GPSM1: variants seen among roughly 807,000 people sequenced by gnomAD.
GPSM1 encodes the protein G protein signaling modulator 1.
GPSM1 carries 48 observed loss-of-function variants against 70.5 expected under a neutral mutation model. That is an observed-to-expected ratio of 0.68 (90% CI 0.54 to 0.87). The LOEUF (loss-of-function observed/expected upper bound fraction) is 0.87. Among genes scored for constraint, GPSM1 ranks in the 40% least tolerant of loss-of-function variants. The pLI, the probability that GPSM1 is intolerant of heterozygous loss-of-function variation, is 0.00. For synonymous variants in GPSM1, 416 were observed against 430.1 expected (o/e 0.97, Z 0.41); for missense variants, 981 against 972.6 (o/e 1.01, Z -0.11).
In GPSM1 at chr9:136,334,093, T is replaced by C. The variant is rs186774803; in HGVS notation, c.69-354T>C. 1.6e-3 allele frequency among the ~76,000 whole-genome samples: 239 copies of C among 152,240 alleles called. 8 individuals are homozygous for C. The East Asian group carries it at 0.044, about 28-fold the overall frequency. On this transcript the variant is annotated intron_variant, in intron 1 of 13. Coordinates refer to ENST00000440944, the MANE Select transcript of GPSM1 (RefSeq NM_001145638.3). ...GCCTGGCCCCTGCAGCCCGTACCTC[T>C]GGGATTTGGGTGAAGGCAGGGTATG... is the stretch of plus-strand genomic sequence containing the variant.
chr9:136,349,799 G>A (rs782618511), intron 11 of GPSM1, 36 bp downstream of exon 11: 1 of 1,523,970 alleles, frequency 6.6e-7, no homozygotes, highest in East Asian at 2.4e-5. Flanking sequence ...GGCCGAGAGG[G>A]AGGAGAGCTT....
intron 9 of GPSM1, among the ~76,000 whole-genome samples, chr9:136,346,494 C>T (rs1554771271): frequency 6.6e-6 from 1 of 152,250 alleles, no homozygotes; most frequent in African/African-American, 2.4e-5. Flanking sequence ...TTGCTGTCCA[C>T]CAGGTGCCTT....
chr9:136,356,518 G>C lies in GPSM1; in HGVS notation c.1789G>C (p.Asp597His). The C allele has an allele frequency of 6.2e-7, 1 of 1,611,800 alleles. No individual in the cohort carries two copies. The highest frequency in any genetic ancestry group is 1.1e-5 in the South Asian group (1 of 91,006). Reference protein sequence around the residue: ...RGHGEPQEPGDDFFNMLIKYQ... With the variant: ...RGHGEPQEPGHDFFNMLIKYQ... ...CCACGGCGAGCCCCAGGAGCCGGGGGACGACTTCTTCAACATGCTCATCAA... is the reference window on the plus strand; with the variant it reads ...CCACGGCGAGCCCCAGGAGCCGGGGCACGACTTCTTCAACATGCTCATCAA... Residue 597 changes from aspartate to histidine, a missense_variant, in exon 13 of 14, where the codon GAC (aspartate) becomes CAC (histidine). Coordinates refer to ENST00000440944, the MANE Select transcript of GPSM1 (RefSeq NM_001145638.3).
chr9:136,337,836 G>A lies in GPSM1; in HGVS notation c.703-10G>A. 11 of 1,599,416 alleles carry A rather than the reference G, an allele frequency of 6.9e-6. No homozygotes were observed. Among genetic ancestry groups the A allele is most frequent in the Non-Finnish European group, 9.4e-6 (11 of 1,168,092 alleles). ...GCCATGACCACCTGGCCTCCGGTGTGTCTCCGCAGCGCCTGGCCATTGCTA... is the reference window on the plus strand; with the variant it reads ...GCCATGACCACCTGGCCTCCGGTGTATCTCCGCAGCGCCTGGCCATTGCTA... On this transcript the variant is annotated splice_polypyrimidine_tract_variant and intron_variant, in intron 5 of 13. Coordinates refer to ENST00000440944, the MANE Select transcript of GPSM1 (RefSeq NM_001145638.3).
intron 9 of GPSM1, among the ~76,000 whole-genome samples, chr9:136,345,803 C>T (rs940635496): frequency 6.6e-6 from 1 of 152,080 alleles, no homozygotes; most frequent in Admixed American, 6.5e-5. Context: ...GAGCAGGCCC[C>T]GAACTGTGTG....
chr9:136,342,769 G>C lies in GPSM1; in HGVS notation c.1207+1776G>C, dbSNP rs1318351210. On this transcript the variant is annotated intron_variant, in intron 9 of 13. Coordinates refer to ENST00000440944, the MANE Select transcript of GPSM1 (RefSeq NM_001145638.3). This position sits in a 1 kb window ranked among gnomAD's most constrained non-coding sequence, Gnocchi z 5.5. ...GGATCTGCGAGCTGCGGGAGGGGAG[G>C]GGGGTGCAGAGCCGCGCTAGAGCCT... 4.6e-5 allele frequency among the ~76,000 whole-genome samples: 7 copies of C among 152,006 alleles called. No individual in the cohort carries two copies. Among genetic ancestry groups the C allele is most frequent in the African/African-American group, 1.7e-4 (7 of 41,382 alleles).
In GPSM1 at chr9:136,340,148, C is replaced by T. The variant is rs555438197; in HGVS notation, c.1083+333C>T. Among the ~76,000 whole-genome samples the T allele has an allele frequency of 3.3e-5, 5 of 152,290 alleles. No homozygotes were observed. The highest frequency in any genetic ancestry group is 3.4e-3 in the Middle Eastern group (1 of 294). On this transcript the variant is annotated intron_variant, in intron 8 of 13. Coordinates refer to ENST00000440944, the MANE Select transcript of GPSM1 (RefSeq NM_001145638.3). This position sits in a 1 kb window ranked among gnomAD's most constrained non-coding sequence, Gnocchi z 7.3. The stretch of plus-strand genomic sequence containing the variant: ...GATGAACTGTGGGCCTCCCGGCTCC[C>T]GGCCTGTCCTTACATCACCCACTCC...
chr9:136,340,986 G>A lies in GPSM1; in HGVS notation c.1200G>A (p.Glu400=). ...ASEKPDLAGY[E]AQGARPKRTQ... ...AGAAGCCTGACCTGGCCGGCTATGA[G>A]GCCCAGGGTGAGTTCCAGGGTTGTG... Residue 400 remains glutamate (E), a synonymous_variant, in exon 9 of 14, where the codon GAG becomes GAA. Coordinates refer to ENST00000440944, the MANE Select transcript of GPSM1 (RefSeq NM_001145638.3). This position sits in a 1 kb window ranked among gnomAD's most constrained non-coding sequence, Gnocchi z 7.3. 1 of 1,566,580 alleles carries A rather than the reference G, an allele frequency of 6.4e-7. No homozygotes were observed. The highest frequency in any genetic ancestry group is 1.2e-5 in the South Asian group (1 of 85,246).
At position 136,340,275 on chromosome 9, in the gene GPSM1, G is replaced by A. The variant is rs1554769970; in HGVS notation, c.1083+460G>A. 6.6e-6 allele frequency among the ~76,000 whole-genome samples: 1 copy of A among 152,156 alleles called. No homozygotes were observed. The highest frequency in any genetic ancestry group is 1.5e-5 in the Non-Finnish European group (1 of 68,034). On this transcript the variant is annotated intron_variant, in intron 8 of 13. Coordinates refer to ENST00000440944, the MANE Select transcript of GPSM1 (RefSeq NM_001145638.3). This position sits in a 1 kb window ranked among gnomAD's most constrained non-coding sequence, Gnocchi z 7.3. Reference sequence around the variant, plus strand: ...CATGTAGGAGGTGGCCGGGTGGGGAGGCCTGCAGGTGCCCAGGTGAGGGTG... The same window carrying A: ...CATGTAGGAGGTGGCCGGGTGGGGAAGCCTGCAGGTGCCCAGGTGAGGGTG...
At chr9:136,329,317 C>T (rs1167648590) in intron 1 of GPSM1, among the ~76,000 whole-genome samples, 10 of 152,248 alleles carry the variant, frequency 6.6e-5, no homozygotes, top group African/African-American at 1.7e-4. Flanking sequence ...TGCACCCCAC[C>T]GTGTAGCCAC....
intron 9 of GPSM1, among the ~76,000 whole-genome samples, chr9:136,346,348 C>T (rs1166550580): frequency 2.0e-5 from 3 of 151,284 alleles, no homozygotes; most frequent in Non-Finnish European, 3.0e-5. Flanking sequence ...GTCCTCAGCT[C>T]CCTCTGCTCC....
At chr9:136,352,966 G>A in intron 11 of GPSM1, 1 of 337,732 alleles carries the variant, frequency 3.0e-6, no homozygotes, top group Non-Finnish European at 4.2e-6. Context: ...AGTGAGCAGG[G>A]GCGGGCGCTA....
At chr9:136,345,318 G>A (rs563392545) in intron 9 of GPSM1, among the ~76,000 whole-genome samples, 4 of 152,314 alleles carry the variant, frequency 2.6e-5, no homozygotes, top group Non-Finnish European at 5.9e-5. Flanking sequence ...CGTTGCCCTC[G>A]CAGGCGGGAG....
chr9:136,356,678 C>G (rs1554773255), intron 13 of GPSM1, 128 bp downstream of exon 13: 1 of 675,634 alleles, frequency 1.5e-6, no homozygotes, highest in African/African-American at 1.8e-5. Flanking sequence ...TGAGGGACTC[C>G]TGGGGGACTC....
chr9:136,350,864 A>G (rs1458214626), intron 11 of GPSM1, among the ~76,000 whole-genome samples: 1 of 152,028 alleles, frequency 6.6e-6, no homozygotes, highest in Non-Finnish European at 1.5e-5. Context: ...GGGTGGACGG[A>G]CGGGGGACAG....
intron 11 of GPSM1, among the ~76,000 whole-genome samples, chr9:136,353,768 C>T (rs1832736227): frequency 6.6e-6 from 1 of 152,126 alleles, no homozygotes; most frequent in African/African-American, 2.4e-5. Flanking sequence ...AGGCAGAGGC[C>T]CCCCGCGGCT....
Position 136,337,775 on chromosome 9 carries a change from C to T in GPSM1, c.703-71C>T, listed in dbSNP as rs540947460. The T allele has an allele frequency of 5.0e-5, 61 of 1,231,774 alleles. No homozygotes were observed. In the East Asian group the frequency reaches 1.5e-3, roughly 30 times the overall value. 76.3% of individuals were successfully genotyped at this position (1,231,774 alleles called of 1,614,324 possible). A position where few individuals can be genotyped will look rare whatever the true frequency, so the allele number is the denominator to read the frequency against. On this transcript the variant is annotated intron_variant, in intron 5 of 13. Coordinates refer to ENST00000440944, the MANE Select transcript of GPSM1 (RefSeq NM_001145638.3). The stretch of plus-strand genomic sequence containing the variant: ...CTGGCCGGCCACCTGGGCAGGGAGG[C>T]AGCCCCTGTCCGCCCACGTCAGGCC...
chr9:136,358,565 C>T lies in GPSM1; in HGVS notation c.*345C>T. The T allele has an allele frequency of 2.3e-6, 1 of 430,966 alleles. No homozygotes were observed. Among genetic ancestry groups the T allele is most frequent in the Non-Finnish European group, 4.1e-6 (1 of 241,520 alleles). 26.7% of individuals were successfully genotyped at this position (430,966 alleles called of 1,614,324 possible). Reference sequence around the variant, plus strand: ...CTGCCCTGCCAAATGTGAAACCCTGCTGTCTCCCCCACCCTCCCCAAAGGT... The same window carrying T: ...CTGCCCTGCCAAATGTGAAACCCTGTTGTCTCCCCCACCCTCCCCAAAGGT... On this transcript the variant is annotated 3_prime_UTR_variant, in exon 14 of 14. Transcript: ENST00000440944.
At chr9:136,344,068 CG>C (rs1178502166) in intron 9 of GPSM1, among the ~76,000 whole-genome samples, 1 of 151,918 alleles carries the variant, frequency 6.6e-6, no homozygotes, top group Non-Finnish European at 1.5e-5. Flanking sequence ...AGGTGAGGAA[CG>C]GGGAGCCCAG....
Sources: allele counts gnomAD v4.1 joint callset (sites outside exome capture counted in the v4.1 genomes callset), GRCh38; gene constraint gnomAD v4.1.1; non-coding constraint Gnocchi (gnomAD v3.1); transcripts MANE v1.5; gene names NCBI Gene and HGNC (gene_info 2026-07-23, HGNC 2026-07-21).